The following SMYD3 variants were observed in gnomAD, a reference collection of about 807,000 sequenced individuals.
SMYD3 encodes histone-lysine N-methyltransferase SMYD3.
A neutral mutation model predicts 57.7 loss-of-function variants in SMYD3; 36 were observed. The observed-to-expected ratio is 0.62, with a 90% CI of 0.48 to 0.82. The LOEUF (loss-of-function observed/expected upper bound fraction) is 0.82, where lower values mean the gene tolerates loss of function less well. Among genes scored for constraint, SMYD3 ranks in the 40% least tolerant of loss-of-function variants. The pLI, the probability that SMYD3 is intolerant of heterozygous loss-of-function variation, is 0.00. For synonymous variants in SMYD3, 211 were observed against 195.0 expected (o/e 1.08, Z -0.68); for missense variants, 515 against 538.8 (o/e 0.96, Z 0.44).
chr1:245,904,986 C>G lies in SMYD3; in HGVS notation c.813+10544G>C, dbSNP rs2054463550. On this transcript the variant is annotated intron_variant, in intron 8 of 11. Transcript: ENST00000490107. ...CTCCCAGATGACATTTCTAGACATA[C>G]TCTGAGCCGGAAGGGAAGCCGCTGC... 3.3e-5 allele frequency among the ~76,000 whole-genome samples: 5 copies of G among 152,022 alleles called. 1 individual carries two copies. The South Asian group carries it at 1.0e-3, about 32-fold the overall frequency.
At chr1:246,506,999 C>CCCCAGCACCCCACA in intron 1 of SMYD3, 55 bp downstream of exon 1, 1 of 972,788 alleles carries the variant, frequency 1.0e-6, no homozygotes, top group Non-Finnish European at 1.3e-6. Flanking sequence ...GCCCCCCCCT[C>CCCCAGCACCCCACA]CCCAGCACCC....
intron 5 of SMYD3, among the ~76,000 whole-genome samples, chr1:246,194,174 T>C (rs1019627478): frequency 1.5e-4 from 23 of 152,136 alleles, no homozygotes; most frequent in Admixed American, 6.5e-5. Context: ...TGGGTTGTTG[T>C]TTTAAAAAAG....
intron 5 of SMYD3, among the ~76,000 whole-genome samples, chr1:246,322,083 G>C (rs1430817217): frequency 6.6e-6 from 1 of 152,080 alleles, no homozygotes; most frequent in African/African-American, 2.4e-5. Context: ...AATCTAACAG[G>C]TGCTGGGTGG....
chr1:245,838,257 G>A (rs1187330126), intron 10 of SMYD3, among the ~76,000 whole-genome samples: 2 of 152,228 alleles, frequency 1.3e-5, no homozygotes, highest in Non-Finnish European at 1.5e-5. Context: ...GGAAGCCTGT[G>A]GGCTTAGGGG....
intron 7 of SMYD3, among the ~76,000 whole-genome samples, chr1:245,922,866 A>T (rs2056079800): frequency 6.6e-6 from 1 of 152,232 alleles, no homozygotes; most frequent in Admixed American, 6.5e-5. Context: ...AAAAAAATGA[A>T]TATGTAACAT....
At chr1:245,816,945 T>C (rs931671366) in intron 10 of SMYD3, among the ~76,000 whole-genome samples, 6 of 151,044 alleles carry the variant, frequency 4.0e-5, no homozygotes, top group Non-Finnish European at 7.4e-5. Flanking sequence ...GAGATCAAAC[T>C]GCAAGGCGGC....
chr1:245,786,213 C>CGG (rs142982945), intron 10 of SMYD3, among the ~76,000 whole-genome samples: 7,228 of 103,698 alleles, frequency 0.07, 894 homozygotes, highest in African/African-American at 0.21. Context: ...GGGGTGTGGA[C>CGG]GGGGGGGGGA....
chr1:246,342,988 G>C (rs185500650), intron 2 of SMYD3, among the ~76,000 whole-genome samples: 1 of 151,860 alleles, frequency 6.6e-6, no homozygotes. Flanking sequence ...GTTCTAATTC[G>C]TGCTACATTT....
At position 245,774,865 on chromosome 1, in the gene SMYD3, G is replaced by T. The variant is rs573789610; in HGVS notation, c.1077-10716C>A. On this transcript the variant is annotated intron_variant, in intron 10 of 11. Transcript: ENST00000490107. ...GCAGGGGTGCACCGCCACGCCTGAC[G>T]GGTTTTCGTATTTTTTTGGTGGAGA... is the stretch of plus-strand genomic sequence containing the variant. 2.4e-3 allele frequency among the ~76,000 whole-genome samples: 366 copies of T among 151,146 alleles called. 1 individual carries two copies. Among genetic ancestry groups the T allele is most frequent in the African/African-American group, 7.0e-3 (288 of 40,910 alleles).
chr1:246,275,721 A>C (rs1014397658), intron 5 of SMYD3, among the ~76,000 whole-genome samples: 1 of 150,346 alleles, frequency 6.7e-6, no homozygotes, highest in Admixed American at 6.6e-5. Flanking sequence ...AACACTGGCA[A>C]GTTATTTAAT....
intron 5 of SMYD3, among the ~76,000 whole-genome samples, chr1:245,973,680 C>T (rs911352140): frequency 2.6e-5 from 4 of 152,210 alleles, no homozygotes; most frequent in African/African-American, 9.6e-5. Flanking sequence ...TAACCAGACA[C>T]TGTCCAAGGA....
At chr1:246,327,582 T>A (rs1055712597) in intron 4 of SMYD3, among the ~76,000 whole-genome samples, 3 of 152,232 alleles carry the variant, frequency 2.0e-5, no homozygotes, top group Non-Finnish European at 4.4e-5. Flanking sequence ...TACGCACATA[T>A]ATGAAAAAGC....
In SMYD3 at chr1:246,199,798, G is replaced by C. The variant is rs1005872155; in HGVS notation, c.531+127403C>G. Among the ~76,000 whole-genome samples, 3 of 152,234 alleles carry C rather than the reference G, an allele frequency of 2.0e-5. No individual in the cohort carries two copies. In the East Asian group the frequency reaches 5.8e-4, roughly 29 times the overall value. On this transcript the variant is annotated intron_variant, in intron 5 of 11. Coordinates refer to ENST00000490107, the MANE Select transcript of SMYD3 (RefSeq NM_001167740.2). ...AGAGAACAGCATAGATGCTGAGCGAGAATGTACACAGACAGCCACTGTAAC... is the reference window on the plus strand; with the variant it reads ...AGAGAACAGCATAGATGCTGAGCGACAATGTACACAGACAGCCACTGTAAC...
At chr1:246,001,408 T>C (rs991388215) in intron 5 of SMYD3, among the ~76,000 whole-genome samples, 1 of 152,150 alleles carries the variant, frequency 6.6e-6, no homozygotes, top group East Asian at 1.9e-4. Flanking sequence ...AGGGTGCAGA[T>C]GTTTTTGAAA....
At chr1:245,864,380 C>A (rs546324292) in intron 8 of SMYD3, among the ~76,000 whole-genome samples, 1 of 152,118 alleles carries the variant, frequency 6.6e-6, no homozygotes, top group African/African-American at 2.4e-5. Flanking sequence ...AATAAAATAT[C>A]CAGACAATGG....
rs1020639906 is a variant in SMYD3, at chr1:245,952,662, A to G, written c.532-22725T>C. Among the ~76,000 whole-genome samples the G allele has an allele frequency of 2.0e-5, 3 of 152,206 alleles. No homozygotes were observed. The East Asian group carries it at 5.8e-4, about 29-fold the overall frequency. On this transcript the variant is annotated intron_variant, in intron 5 of 11. Coordinates refer to ENST00000490107, the MANE Select transcript of SMYD3 (RefSeq NM_001167740.2). ...CCAAATGCTCCTGTTAATGGCATGT[A>G]CCCTACTCTTAGCAGGTCTCACATT...
chr1:245,962,803 G>A lies in SMYD3; in HGVS notation c.532-32866C>T, dbSNP rs575524283. ...CTGAATACATGTTAATAGCTTTCAC[G>A]GGCTTACTTCTGATATTTTAAACAG... On this transcript the variant is annotated intron_variant, in intron 5 of 11. Transcript: ENST00000490107. Among the ~76,000 whole-genome samples, 88 of 125,634 alleles carry A rather than the reference G, an allele frequency of 7.0e-4. 1 individual carries two copies. The highest frequency in any genetic ancestry group is 2.1e-3 in the African/African-American group (82 of 39,718). 82.4% of individuals were successfully genotyped at this position (125,634 alleles called of 152,430 possible).
intron 10 of SMYD3, among the ~76,000 whole-genome samples, chr1:245,823,995 C>T (rs1193006861): frequency 2.6e-5 from 4 of 152,198 alleles, no homozygotes; most frequent in Non-Finnish European, 5.9e-5. Flanking sequence ...CAGCTCTGGA[C>T]TCTTAAGGAC....
chr1:246,136,864 C>T (rs1015970863), intron 5 of SMYD3, among the ~76,000 whole-genome samples: 1 of 152,200 alleles, frequency 6.6e-6, no homozygotes, highest in Non-Finnish European at 1.5e-5. Flanking sequence ...AAAGACATTT[C>T]TTAGACTTCT....
Sources: gnomAD v4.1 joint callset for allele counts (sites outside exome capture counted in the v4.1 genomes callset) on GRCh38, gnomAD v4.1.1 for gene constraint, MANE v1.5 for transcripts, NCBI Gene and HGNC (gene_info 2026-07-23, HGNC 2026-07-21) for gene names.